Variants in ABHD5 observed in about 807,000 individuals in gnomAD.
ABHD5 encodes the protein abhydrolase domain containing 5, lysophosphatidic acid acyltransferase.
ABHD5 carries 30 observed loss-of-function variants against 44.9 expected under a neutral mutation model. That is an observed-to-expected ratio of 0.67 (90% CI 0.50 to 0.91). The LOEUF (loss-of-function observed/expected upper bound fraction) is 0.91. ABHD5 is among the 40% of genes least tolerant of loss of function. ABHD5 has a pLI of 0.00. For synonymous variants in ABHD5, 167 were observed against 147.0 expected (o/e 1.14, Z -0.99); for missense variants, 399 against 423.4 (o/e 0.94, Z 0.50).
At chr3:43,730,671 A>C (rs1034630374) in intron 7 of ABHD5, among the ~76,000 whole-genome samples, 4 of 151,948 alleles carry the variant, frequency 2.6e-5, no homozygotes, top group African/African-American at 4.8e-5. Flanking sequence ...ACATCTGGCT[A>C]ATTTTTCTTA....
At chr3:43,704,463 T>G (rs1177859718) in intron 3 of ABHD5, among the ~76,000 whole-genome samples, 6 of 152,236 alleles carry the variant, frequency 3.9e-5, no homozygotes, top group Non-Finnish European at 8.8e-5. Flanking sequence ...GGAGTTGAAC[T>G]TCCTTTGTTT....
At chr3:43,714,852 C>T (rs1219298642) in intron 4 of ABHD5, 95 bp from the exon 5 acceptor site, 3 of 816,076 alleles carry the variant, frequency 3.7e-6, no homozygotes, top group Non-Finnish European at 6.3e-6. Context: ...ATATAACACT[C>T]ATTACACAGA....
intron 7 of ABHD5, among the ~76,000 whole-genome samples, chr3:43,728,479 A>G (rs1464209231): frequency 6.6e-6 from 1 of 152,174 alleles, no homozygotes; most frequent in African/African-American, 2.4e-5. Context: ...ATAACTCTTT[A>G]AGAGGTGATG....
intron 4 of ABHD5, 129 bp from the exon 5 acceptor site, chr3:43,714,818 T>A: frequency 1.6e-6 from 1 of 627,198 alleles, no homozygotes; most frequent in East Asian, 3.2e-5. Flanking sequence ...CAATATATAT[T>A]TGAATACATA....
chr3:43,730,561 G>A (rs2084906619), intron 7 of ABHD5, among the ~76,000 whole-genome samples: 1 of 137,096 alleles, frequency 7.3e-6, no homozygotes, highest in Admixed American at 8.1e-5. Flanking sequence ...GCTGGAATAC[G>A]GTGGTGCGAT....
At chr3:43,694,384 G>GT (rs1309283528) in intron 1 of ABHD5, among the ~76,000 whole-genome samples, 3 of 150,906 alleles carry the variant, frequency 2.0e-5, no homozygotes, top group African/African-American at 7.3e-5. Flanking sequence ...ACTCCTGATT[G>GT]TGAGTTACTA....
intron 3 of ABHD5, among the ~76,000 whole-genome samples, chr3:43,707,451 T>C (rs1393584742): frequency 1.3e-5 from 2 of 152,164 alleles, no homozygotes; most frequent in Admixed American, 6.5e-5. Context: ...GTTGGAGATA[T>C]TTAGTTTGTT....
chr3:43,709,508 G>T (rs1378826966), intron 3 of ABHD5, among the ~76,000 whole-genome samples: 1 of 145,618 alleles, frequency 6.9e-6, no homozygotes, highest in Admixed American at 6.9e-5. Flanking sequence ...GTCAGAAAGA[G>T]CTTAGAGCAA....
At chr3:43,711,677 A>C in intron 3 of ABHD5, 32 bp from the exon 4 acceptor site, 1 of 1,613,544 alleles carries the variant, frequency 6.2e-7, no homozygotes, top group Non-Finnish European at 8.5e-7. Context: ...GATTTTACCA[A>C]ATGAACTTAA....
chr3:43,694,180 AC>A (rs2149590908), intron 1 of ABHD5, among the ~76,000 whole-genome samples: 2 of 147,496 alleles, frequency 1.4e-5, no homozygotes, highest in South Asian at 4.4e-4. Flanking sequence ...AATGGCGTGA[AC>A]CCAGGAGGCG....
In ABHD5 at chr3:43,721,844, A is replaced by G. The variant is rs2084840502; in HGVS notation, c.*3312A>G. 1 of 152,244 alleles carries G rather than the reference A, an allele frequency of 6.6e-6. No individual in the cohort carries two copies. The highest frequency in any genetic ancestry group is 2.4e-5 in the African/African-American group (1 of 41,466). 9.4% of individuals were successfully genotyped at this position (152,244 alleles called of 1,614,324 possible). A position where few individuals can be genotyped will look rare whatever the true frequency, so the allele number is the denominator to read the frequency against. On this transcript the variant is annotated 3_prime_UTR_variant, in exon 7 of 7. Coordinates refer to ENST00000644371, the MANE Select transcript of ABHD5 (RefSeq NM_016006.6). Reference sequence around the variant, plus strand: ...GAACAGACAGTTAACAGAAAATAGAATGCAAATGGTCTTTAAACATACAAG... The same window carrying G: ...GAACAGACAGTTAACAGAAAATAGAGTGCAAATGGTCTTTAAACATACAAG...
chr3:43,703,186 T>TG (rs1353013166), intron 3 of ABHD5, among the ~76,000 whole-genome samples: 16 of 151,620 alleles, frequency 1.1e-4, no homozygotes, highest in Admixed American at 2.6e-4. Flanking sequence ...CTTTAACTTT[T>TG]TTTTTTTTTA....
intron 1 of ABHD5, among the ~76,000 whole-genome samples, chr3:43,698,112 T>G (rs1415961695): frequency 6.6e-6 from 1 of 152,202 alleles, no homozygotes; most frequent in African/African-American, 2.4e-5. Flanking sequence ...TACACAACCC[T>G]TCCAAAACTT....
At chr3:43,691,392 A>C (rs1243254964) in intron 1 of ABHD5, 1 of 188,210 alleles carries the variant, frequency 5.3e-6, no homozygotes, top group Non-Finnish European at 1.1e-5. Flanking sequence ...GGCTCTGCCA[A>C]GGGACCCGGC....
chr3:43,728,859 A>G (rs1416952932), intron 7 of ABHD5, among the ~76,000 whole-genome samples: 4 of 152,194 alleles, frequency 2.6e-5, no homozygotes, highest in African/African-American at 9.6e-5. Flanking sequence ...CCTGGTTGCC[A>G]GAAAGACTCA....
chr3:43,697,228 G>A (rs890061126), intron 1 of ABHD5, among the ~76,000 whole-genome samples: 11 of 152,132 alleles, frequency 7.2e-5, no homozygotes, highest in African/African-American at 9.6e-5. Context: ...TTTGAGTGTC[G>A]TTTTTTAAAA....
intron 4 of ABHD5, among the ~76,000 whole-genome samples, chr3:43,712,539 A>G (rs1047585482): frequency 2.6e-5 from 4 of 152,096 alleles, no homozygotes; most frequent in Non-Finnish European, 5.9e-5. Flanking sequence ...TGATGTTCTG[A>G]ACTTCTGCCT....
At chr3:43,723,673 C>T (rs936395298), downstream of ABHD5, among the ~76,000 whole-genome samples, 1 of 152,078 alleles carries the variant, frequency 6.6e-6, no homozygotes, top group Admixed American at 6.6e-5. Flanking sequence ...TTGAAAAGCA[C>T]GTTAATATGC....
downstream of ABHD5, among the ~76,000 whole-genome samples, chr3:43,726,868 A>G (rs764481470): frequency 2.6e-5 from 4 of 152,116 alleles, no homozygotes; most frequent in Non-Finnish European, 4.4e-5. Flanking sequence ...TCCTGTCCTC[A>G]ATGTCTGACA....
Sources: gnomAD v4.1 joint callset for allele counts (sites outside exome capture counted in the v4.1 genomes callset) on GRCh38, gnomAD v4.1.1 for gene constraint, MANE v1.5 for transcripts, NCBI Gene and HGNC (gene_info 2026-07-23, HGNC 2026-07-21) for gene names.